ABHD17C: variants seen among roughly 807,000 people sequenced by gnomAD.
ABHD17C encodes the protein abhydrolase domain containing 17C, depalmitoylase.
In ABHD17C, 11 loss-of-function variants were observed where a neutral mutation model predicts 27.9. The ratio of observed to expected loss-of-function variants is 0.39; its 90% confidence interval spans 0.25 to 0.65. The LOEUF (loss-of-function observed/expected upper bound fraction) is 0.65. Ranked by LOEUF, ABHD17C falls within the 30% of genes least tolerant of loss-of-function variation. The pLI is 0.45. For synonymous variants in ABHD17C, 233 were observed against 209.1 expected (o/e 1.11, Z -0.98); for missense variants, 280 against 470.2 (o/e 0.60, Z 3.74).
chr15:80,725,260 C>G lies in ABHD17C; in HGVS notation c.591-24253C>G, dbSNP rs184231863. On this transcript the variant is annotated intron_variant, in intron 1 of 2. Transcript: ENST00000258884. ...ATACAGAAAAGTTTCTCCACCGTTT[C>G]TGAGTCAGCAGACCCTTGGAATGGA... 3.3e-5 allele frequency among the ~76,000 whole-genome samples: 5 copies of G among 152,340 alleles called. No individual in the cohort carries two copies. The East Asian group carries it at 9.6e-4, about 29-fold the overall frequency.
At chr15:80,726,960 T>G (rs564985326) in intron 1 of ABHD17C, among the ~76,000 whole-genome samples, 1 of 152,380 alleles carries the variant, frequency 6.6e-6, no homozygotes, top group South Asian at 2.1e-4. Context: ...TGATTGTCTG[T>G]TCCTTCTGTG....
intron 1 of ABHD17C, among the ~76,000 whole-genome samples, chr15:80,741,948 C>T (rs755220283): frequency 2.0e-5 from 3 of 152,086 alleles, no homozygotes; most frequent in African/African-American, 4.8e-5. Context: ...ACTCTGTATG[C>T]TGGACAAAGG....
intron 1 of ABHD17C, among the ~76,000 whole-genome samples, chr15:80,744,124 T>C (rs1895250925): frequency 6.9e-6 from 1 of 145,962 alleles, no homozygotes; most frequent in Non-Finnish European, 1.5e-5. Flanking sequence ...CTGTCTTTTA[T>C]GTAATTTAAT....
chr15:80,702,923 GA>G, intron 1 of ABHD17C: 1 of 152,274 alleles, frequency 6.6e-6, no homozygotes, highest in South Asian at 2.1e-4. Flanking sequence ...TTTTAGAGTA[GA>G]AAAATCAGTT....
rs114720159 is a variant in ABHD17C, at chr15:80,723,809, G to A, written c.591-25704G>A. 4.3e-3 allele frequency among the ~76,000 whole-genome samples: 641 copies of A among 150,348 alleles called. 3 individuals are homozygous for A. The highest frequency in any genetic ancestry group is 0.015 in the African/African-American group (616 of 41,468). On this transcript the variant is annotated intron_variant, in intron 1 of 2. Coordinates refer to ENST00000258884, the MANE Select transcript of ABHD17C (RefSeq NM_021214.2). ...TGAGTCCTTTCTAATCCGACCAACCGCTGTGGCATCATCCTGCTGCAGCTG... is the reference window on the plus strand; with the variant it reads ...TGAGTCCTTTCTAATCCGACCAACCACTGTGGCATCATCCTGCTGCAGCTG...
chr15:80,719,170 G>A (rs964402052), intron 1 of ABHD17C, among the ~76,000 whole-genome samples: 15 of 152,112 alleles, frequency 9.9e-5, no homozygotes, highest in Non-Finnish European at 2.9e-5. Flanking sequence ...AAAAGATCAC[G>A]AAGAAAAGCA....
chr15:80,702,131 G>C (rs1437506924), intron 1 of ABHD17C, among the ~76,000 whole-genome samples: 1 of 152,148 alleles, frequency 6.6e-6, no homozygotes, highest in Non-Finnish European at 1.5e-5. Flanking sequence ...TCCTTAATGT[G>C]TTCTCTTCCG....
intron 1 of ABHD17C, among the ~76,000 whole-genome samples, chr15:80,748,528 A>C (rs1255643346): frequency 1.3e-5 from 2 of 152,054 alleles, no homozygotes; most frequent in African/African-American, 4.8e-5. Flanking sequence ...TGAAATTATC[A>C]CATCTTTCTA....
chr15:80,728,013 C>T (rs1240116984), intron 1 of ABHD17C, among the ~76,000 whole-genome samples: 1 of 152,124 alleles, frequency 6.6e-6, no homozygotes, highest in African/African-American at 2.4e-5. Context: ...GACCTGGGTT[C>T]ACAGCCAGGC....
intron 1 of ABHD17C, 146 bp downstream of exon 1, chr15:80,696,165 T>C: frequency 1.1e-6 from 1 of 894,710 alleles, no homozygotes; most frequent in Non-Finnish European, 1.7e-6. Context: ...CCGCCGTAAA[T>C]TCGCTTTTCT....
At chr15:80,727,108 G>A (rs978818386) in intron 1 of ABHD17C, among the ~76,000 whole-genome samples, 1 of 152,178 alleles carries the variant, frequency 6.6e-6, no homozygotes, top group Non-Finnish European at 1.5e-5. Context: ...CAGTTAACTC[G>A]TCTGAAAGTG....
chr15:80,700,726 C>T (rs1056917515), intron 1 of ABHD17C, among the ~76,000 whole-genome samples: 21 of 151,908 alleles, frequency 1.4e-4, no homozygotes, highest in African/African-American at 5.1e-4. Flanking sequence ...AGTTGGGACC[C>T]CCATCTCTAC....
At chr15:80,729,197 G>A (rs1306432399) in intron 1 of ABHD17C, among the ~76,000 whole-genome samples, 1 of 152,112 alleles carries the variant, frequency 6.6e-6, no homozygotes. Flanking sequence ...TGGTTCCTGG[G>A]AGGCCTCACA....
intron 1 of ABHD17C, among the ~76,000 whole-genome samples, chr15:80,744,467 C>T (rs1895255927): frequency 6.6e-6 from 1 of 152,158 alleles, no homozygotes; most frequent in Non-Finnish European, 1.5e-5. Flanking sequence ...CTGATACTTT[C>T]ACAGAATTAT....
rs1234901710 is a variant in ABHD17C at position 80,695,753 on chromosome 15, G to C, written c.324G>C (p.Glu108Asp). 1 of 1,537,012 alleles carries C rather than the reference G, an allele frequency of 6.5e-7. No homozygotes were observed. Among genetic ancestry groups the C allele is most frequent in the African/African-American group, 1.4e-5 (1 of 73,198 alleles). The change falls in exon 1 of 3, where the codon GAG becomes GAC. Residue 108 changes from glutamate to aspartate, a missense_variant. Glu to Asp is a conservative substitution (Grantham distance 45). Around this residue, in one of 2 missense-constraint regions of ABHD17C, gnomAD observed 206 missense variants for 394.7 expected, o/e 0.52. Coordinates refer to ENST00000258884, the MANE Select transcript of ABHD17C (RefSeq NM_021214.2). This position sits in a 1 kb window ranked among gnomAD's most constrained non-coding sequence, Gnocchi z 4.3. ...QYSQRELDAVEVFFSRTARDN... is the reference protein window; with the variant it reads ...QYSQRELDAVDVFFSRTARDN... ...CGCAGCGCGAGCTGGACGCCGTCGA[G>C]GTCTTCTTCTCGCGCACGGCCCGGG... is the stretch of plus-strand genomic sequence containing the variant.
At chr15:80,743,354 A>T (rs372073523) in intron 1 of ABHD17C, among the ~76,000 whole-genome samples, 1 of 152,058 alleles carries the variant, frequency 6.6e-6, no homozygotes, top group South Asian at 2.1e-4. Context: ...CCGGCTGTGT[A>T]TGTGTACTTA....
chr15:80,754,130 T>C, intron 2 of ABHD17C, 21 bp from the exon 3 acceptor site: 2 of 1,589,684 alleles, frequency 1.3e-6, no homozygotes, highest in Non-Finnish European at 1.7e-6. Context: ...TCTTTCTGCC[T>C]CCCCCCTTTC....
chr15:80,699,272 A>G (rs1894538918), intron 1 of ABHD17C, among the ~76,000 whole-genome samples: 1 of 152,208 alleles, frequency 6.6e-6, no homozygotes, highest in South Asian at 2.1e-4. Context: ...AATAATAGGT[A>G]GTCATTGGTA....
At chr15:80,727,300 C>T (rs1029966589) in intron 1 of ABHD17C, among the ~76,000 whole-genome samples, 7 of 152,200 alleles carry the variant, frequency 4.6e-5, no homozygotes, top group Non-Finnish European at 5.9e-5. Context: ...GTGGAGAGGG[C>T]GTGTTAGAGT....
Sources: gnomAD v4.1 joint callset for allele counts (sites outside exome capture counted in the v4.1 genomes callset) on GRCh38, gnomAD v4.1.1 for gene constraint, gnomAD v4.1.1 regional missense constraint, Gnocchi (gnomAD v3.1) non-coding constraint, MANE v1.5 for transcripts, NCBI Gene and HGNC (gene_info 2026-07-23, HGNC 2026-07-21) for gene names.